NDST3: variants seen among roughly 807,000 people sequenced by gnomAD.
NDST3 encodes the protein N-deacetylase and N-sulfotransferase 3.
A neutral mutation model predicts 96.1 loss-of-function variants in NDST3; 58 were observed. The ratio of observed to expected loss-of-function variants is 0.60; its 90% CI spans 0.49 to 0.75. The LOEUF (loss-of-function observed/expected upper bound fraction) is 0.75, where lower values mean the gene tolerates loss of function less well. Ranked by LOEUF, NDST3 falls within the 30% of genes least tolerant of loss-of-function variation. NDST3 has a pLI of 0.00. For synonymous variants in NDST3, 333 were observed against 359.7 expected, an observed-to-expected ratio of 0.93 and a Z score of 0.84; for missense variants, 788 against 1,034.2, an observed-to-expected ratio of 0.76 and a Z score of 3.27.
intron 12 of NDST3, among the ~76,000 whole-genome samples, chr4:118,247,686 A>G (rs79198218): frequency 6.6e-6 from 1 of 152,204 alleles, no homozygotes; most frequent in Non-Finnish European, 1.5e-5. Flanking sequence ...GATTGTGGTG[A>G]TAATTGTACA....
At chr4:118,179,152 T>C (rs146639026) in intron 6 of NDST3, among the ~76,000 whole-genome samples, 6 of 152,142 alleles carry the variant, frequency 3.9e-5, no homozygotes, top group Non-Finnish European at 8.8e-5. Context: ...ACCTGACCTT[T>C]GCCCTGGGGG....
At chr4:118,173,354 C>A (rs143269360) in intron 6 of NDST3, among the ~76,000 whole-genome samples, 1 of 152,050 alleles carries the variant, frequency 6.6e-6, no homozygotes, top group Non-Finnish European at 1.5e-5. Flanking sequence ...ATAGACTACC[C>A]CTGGCCCATG....
intron 12 of NDST3, among the ~76,000 whole-genome samples, chr4:118,249,731 TACACACACAC>T (rs60479821): frequency 8.2e-5 from 12 of 145,498 alleles, no homozygotes; most frequent in African/African-American, 2.5e-4. Context: ...CAGCCCCACA[TACACACACAC>T]ACACACACAC....
At chr4:118,144,702 T>C (rs1282789623) in intron 6 of NDST3, among the ~76,000 whole-genome samples, 1 of 151,790 alleles carries the variant, frequency 6.6e-6, no homozygotes, top group Non-Finnish European at 1.5e-5. Context: ...GCCCTTGGCA[T>C]TGGCAATATT....
chr4:118,081,028 C>T (rs114657318), intron 2 of NDST3, among the ~76,000 whole-genome samples: 2,879 of 152,258 alleles, frequency 0.019, 81 homozygotes, highest in African/African-American at 0.066. Flanking sequence ...CTCAAATCTC[C>T]CATCTATATA....
At chr4:118,155,548 C>T (rs1734662071) in intron 6 of NDST3, among the ~76,000 whole-genome samples, 1 of 152,152 alleles carries the variant, frequency 6.6e-6, no homozygotes, top group Non-Finnish European at 1.5e-5. Context: ...ATTACTCTTT[C>T]CTAAATATAT....
At chr4:118,214,167 C>G (rs1400770421) in intron 6 of NDST3, among the ~76,000 whole-genome samples, 1 of 152,032 alleles carries the variant, frequency 6.6e-6, no homozygotes, top group Non-Finnish European at 1.5e-5. Context: ...AAAACATCTA[C>G]CAATGTATGC....
Position 118,194,692 on chromosome 4 carries a change from C to T in NDST3, c.1540-29799C>T. 4.9e-6 allele frequency: 3 copies of T among 608,688 alleles called. No homozygotes were observed. The South Asian group carries it at 5.3e-5, about 11-fold the overall frequency. 37.7% of individuals were successfully genotyped at this position (608,688 alleles called of 1,614,324 possible). ...TGTTTGGGCGAATGTCCACTCCCTC[C>T]ATGGGAAGAGGCGCCAACTGTGTCC... On this transcript the variant is annotated intron_variant, in intron 6 of 13. Coordinates refer to ENST00000296499, the MANE Select transcript of NDST3 (RefSeq NM_004784.3).
chr4:118,099,071 A>G (rs1169845895), intron 2 of NDST3, among the ~76,000 whole-genome samples: 2 of 152,088 alleles, frequency 1.3e-5, no homozygotes, highest in East Asian at 3.9e-4. Flanking sequence ...AAGACCATAT[A>G]TCCATTTCTC....
At chr4:118,137,688 G>T (rs1283356644) in intron 4 of NDST3, among the ~76,000 whole-genome samples, 1 of 152,082 alleles carries the variant, frequency 6.6e-6, no homozygotes, top group Admixed American at 6.6e-5. Flanking sequence ...TTTATTTTGC[G>T]GGAAGTGCTT....
At chr4:118,079,500 G>A (rs1578595565) in intron 2 of NDST3, among the ~76,000 whole-genome samples, 1 of 152,146 alleles carries the variant, frequency 6.6e-6, no homozygotes, top group African/African-American at 2.4e-5. Context: ...AACAAGCCTG[G>A]TGTAATCGAG....
At chr4:118,209,600 T>C (rs1250644009) in intron 6 of NDST3, among the ~76,000 whole-genome samples, 2 of 152,250 alleles carry the variant, frequency 1.3e-5, no homozygotes, top group Non-Finnish European at 2.9e-5. Flanking sequence ...GGGCTGAACT[T>C]GCAGTTCTGA....
chr4:118,073,801 G>T (rs1426324063), intron 2 of NDST3, among the ~76,000 whole-genome samples: 1 of 151,610 alleles, frequency 6.6e-6, no homozygotes, highest in Non-Finnish European at 1.5e-5. Flanking sequence ...TTTGCAGTTG[G>T]TTTGCTATTG....
intron 12 of NDST3, among the ~76,000 whole-genome samples, chr4:118,247,998 C>A (rs1285117574): frequency 6.6e-6 from 1 of 152,124 alleles, no homozygotes; most frequent in Non-Finnish European, 1.5e-5. Flanking sequence ...TAAGTGTAAT[C>A]TGAATGTTTT....
At chr4:118,191,604 T>C (rs1030462237) in intron 6 of NDST3, among the ~76,000 whole-genome samples, 1 of 152,134 alleles carries the variant, frequency 6.6e-6, no homozygotes, top group Non-Finnish European at 1.5e-5. Flanking sequence ...GGGTATATAG[T>C]AGGTGTATAT....
intron 2 of NDST3, among the ~76,000 whole-genome samples, chr4:118,080,338 A>C (rs1727910046): frequency 6.6e-6 from 1 of 152,040 alleles, no homozygotes; most frequent in Non-Finnish European, 1.5e-5. Context: ...AAAGATATAA[A>C]TCAGGAACTC....
intron 6 of NDST3, among the ~76,000 whole-genome samples, chr4:118,147,458 CA>C: frequency 6.6e-6 from 1 of 152,262 alleles, no homozygotes; most frequent in South Asian, 2.1e-4. Context: ...ACAGAGTACT[CA>C]TATATATTTT....
chr4:118,213,733 A>T (rs927796130), intron 6 of NDST3, among the ~76,000 whole-genome samples: 2 of 150,068 alleles, frequency 1.3e-5, no homozygotes, highest in African/African-American at 4.9e-5. Context: ...TTTATAATAT[A>T]TACTTTTTTA....
At chr4:118,046,909 C>T (rs1205646262) in intron 1 of NDST3, among the ~76,000 whole-genome samples, 1 of 92,732 alleles carries the variant, frequency 1.1e-5, no homozygotes, top group Non-Finnish European at 2.7e-5. Context: ...GACCAGGGAG[C>T]CCTGCAGCAC....
Sources: gnomAD v4.1 joint callset for allele counts (sites outside exome capture counted in the v4.1 genomes callset) on GRCh38, gnomAD v4.1.1 for gene constraint, MANE v1.5 for transcripts, NCBI Gene and HGNC (gene_info 2026-07-23, HGNC 2026-07-21) for gene names.